CDH18: variants seen among roughly 807,000 people sequenced by gnomAD.
The protein encoded by CDH18 is cadherin-18.
In CDH18, 31 loss-of-function variants were observed where a neutral mutation model predicts 67.9. The ratio of observed to expected loss-of-function variants is 0.46; its 90% confidence interval spans 0.34 to 0.62. The LOEUF is 0.62. CDH18 is among the 20% of genes least tolerant of loss of function. CDH18 has a pLI of 0.01. For missense variants in CDH18, 890 were observed against 975.5 expected (o/e 0.91, Z 1.17); for synonymous variants, 362 against 347.2 (o/e 1.04, Z -0.48).
intron 11 of CDH18, 188 bp downstream of exon 11, chr5:19,502,804 A>G (rs561635598): frequency 2.2e-5 from 13 of 582,008 alleles, no homozygotes; most frequent in Middle Eastern, 2.8e-4. Context: ...AATAAATTCA[A>G]TGAAAGTTAT....
intron 4 of CDH18, among the ~76,000 whole-genome samples, chr5:19,744,843 T>C (rs936116051): frequency 1.3e-5 from 2 of 152,208 alleles, no homozygotes; most frequent in Non-Finnish European, 2.9e-5. Context: ...TTTAAAAATC[T>C]GAATGTTTTT....
At chr5:19,953,961 G>A (rs1341549078) in intron 2 of CDH18, among the ~76,000 whole-genome samples, 1 of 151,988 alleles carries the variant, frequency 6.6e-6, no homozygotes, top group Non-Finnish European at 1.5e-5. Flanking sequence ...AAAAGTTGAA[G>A]AGACTTTCAA....
At chr5:20,057,185 T>C (rs1288941492) in intron 2 of CDH18, among the ~76,000 whole-genome samples, 3 of 152,168 alleles carry the variant, frequency 2.0e-5, no homozygotes, top group Non-Finnish European at 4.4e-5. Context: ...TAAATATTTG[T>C]TCAGCATGCC....
chr5:20,184,271 A>C (rs544009966), intron 2 of CDH18, among the ~76,000 whole-genome samples: 39 of 152,118 alleles, frequency 2.6e-4, no homozygotes, highest in Non-Finnish European at 4.7e-4. Context: ...TTACGATTTG[A>C]TTATTTGCCT....
At chr5:20,405,549 AC>A (rs1391830726) in intron 1 of CDH18, among the ~76,000 whole-genome samples, 1 of 152,184 alleles carries the variant, frequency 6.6e-6, no homozygotes, top group Non-Finnish European at 1.5e-5. Context: ...TGTCTAAAAC[AC>A]CAAAAGCAAT....
At chr5:19,744,236 C>A (rs1411883868) in intron 4 of CDH18, among the ~76,000 whole-genome samples, 2 of 152,044 alleles carry the variant, frequency 1.3e-5, no homozygotes, top group African/African-American at 4.8e-5. Flanking sequence ...TTGAAACTTA[C>A]TCTGTCTTGT....
rs540427159 is a variant in CDH18, at chr5:19,850,407, G to A, written c.-256-11165C>T. On this transcript the variant is annotated intron_variant, in intron 2 of 12. Transcript: ENST00000382275. Reference sequence around the variant, plus strand: ...TCAACTACAAATAATGTTTAGGGTAGATGTGATTTTTATTTCTACCACATT... The same window carrying A: ...TCAACTACAAATAATGTTTAGGGTAAATGTGATTTTTATTTCTACCACATT... 1.2e-3 allele frequency among the ~76,000 whole-genome samples: 181 copies of A among 151,942 alleles called. 1 individual carries two copies. The highest frequency in any genetic ancestry group is 4.2e-3 in the African/African-American group (175 of 41,510).
At chr5:20,307,129 C>T (rs78312158) in intron 1 of CDH18, among the ~76,000 whole-genome samples, 5,698 of 152,060 alleles carry the variant, frequency 0.037, 267 homozygotes, top group African/African-American at 0.11. Context: ...ATAATGAGAT[C>T]TAAGGCAGTA....
Position 19,657,206 on chromosome 5 carries a change from T to A in CDH18, c.644-44605A>T, listed in dbSNP as rs543820437. 3.6e-4 allele frequency among the ~76,000 whole-genome samples: 55 copies of A among 152,278 alleles called. 1 individual carries two copies. The South Asian group carries it at 0.011, about 32-fold the overall frequency. ...CAAATTTGTTCAAAGCTTTTGTGTATACATATAAGATTTTCACTTGGGAGG... is the reference window on the plus strand; with the variant it reads ...CAAATTTGTTCAAAGCTTTTGTGTAAACATATAAGATTTTCACTTGGGAGG... On this transcript the variant is annotated intron_variant, in intron 5 of 12. Transcript: ENST00000382275.
At chr5:19,506,057 G>A (rs1473160503) in intron 10 of CDH18, among the ~76,000 whole-genome samples, 1 of 152,042 alleles carries the variant, frequency 6.6e-6, no homozygotes, top group Non-Finnish European at 1.5e-5. Context: ...GAGGGTGTAT[G>A]TGTCAAGGAA....
chr5:20,152,639 T>C (rs963314365), intron 2 of CDH18, among the ~76,000 whole-genome samples: 5 of 152,072 alleles, frequency 3.3e-5, no homozygotes, highest in African/African-American at 1.2e-4. Context: ...CAAAAATATC[T>C]TACTCTAGTA....
At chr5:20,160,564 T>C (rs371255004) in intron 2 of CDH18, among the ~76,000 whole-genome samples, 2 of 152,234 alleles carry the variant, frequency 1.3e-5, no homozygotes, top group African/African-American at 2.4e-5. Flanking sequence ...ATCCTTTTTT[T>C]AATACTCTTC....
intron 11 of CDH18, among the ~76,000 whole-genome samples, chr5:19,487,779 A>G (rs1740645372): frequency 6.6e-6 from 1 of 152,158 alleles, no homozygotes; most frequent in Admixed American, 6.5e-5. Flanking sequence ...CATATATAAT[A>G]TCAGGCTTAT....
intron 2 of CDH18, among the ~76,000 whole-genome samples, chr5:20,248,092 G>A (rs1393510433): frequency 6.6e-6 from 1 of 152,138 alleles, no homozygotes; most frequent in Non-Finnish European, 1.5e-5. Flanking sequence ...TATATTAAAT[G>A]TGAAGTGTGT....
intron 5 of CDH18, among the ~76,000 whole-genome samples, chr5:19,687,483 G>A (rs1047253721): frequency 3.3e-5 from 5 of 152,144 alleles, no homozygotes; most frequent in South Asian, 2.1e-4. Context: ...TATACACAGC[G>A]TCCTGTATCT....
intron 2 of CDH18, among the ~76,000 whole-genome samples, chr5:19,904,108 T>C (rs1790255788): frequency 6.6e-6 from 1 of 151,436 alleles, no homozygotes; most frequent in Non-Finnish European, 1.5e-5. Context: ...ATCGAGTCTC[T>C]ACTAAAAATA....
intron 1 of CDH18, among the ~76,000 whole-genome samples, chr5:20,436,577 C>G (rs947689326): frequency 6.6e-6 from 1 of 151,312 alleles, no homozygotes; most frequent in African/African-American, 2.4e-5. Flanking sequence ...GTAAAAGAAT[C>G]TGATATTTAA....
chr5:20,224,577 G>A (rs1451573441), intron 2 of CDH18, among the ~76,000 whole-genome samples: 1 of 150,600 alleles, frequency 6.6e-6, no homozygotes, highest in Non-Finnish European at 1.5e-5. Flanking sequence ...ATTTATACTG[G>A]ATAAGCTCTC....
At chr5:19,494,650 T>C (rs1490877748) in intron 11 of CDH18, among the ~76,000 whole-genome samples, 1 of 152,206 alleles carries the variant, frequency 6.6e-6, no homozygotes, top group African/African-American at 2.4e-5. Flanking sequence ...ACTGCCTCTG[T>C]CCTTGAACTA....
Sources: gnomAD v4.1 joint callset for allele counts (sites outside exome capture counted in the v4.1 genomes callset) on GRCh38, gnomAD v4.1.1 for gene constraint, MANE v1.5 for transcripts, NCBI Gene and HGNC (gene_info 2026-07-23, HGNC 2026-07-21) for gene names.